KIAA1328: variants seen among roughly 807,000 people sequenced by gnomAD.
The protein encoded by KIAA1328 is protein hinderin.
KIAA1328 carries 52 observed loss-of-function variants against 68.1 expected under a neutral mutation model. The ratio of observed to expected loss-of-function variants is 0.76; its 90% confidence interval spans 0.61 to 0.96. KIAA1328 has a LOEUF of 0.96. Ranked by LOEUF, KIAA1328 falls within the 40% of genes least tolerant of loss-of-function variation. The pLI is 0.00. For missense variants in KIAA1328, 641 were observed against 677.6 expected, an observed-to-expected ratio of 0.95 and a Z score of 0.60; for synonymous variants, 232 against 239.4, an observed-to-expected ratio of 0.97 and a Z score of 0.28.
At chr18:36,930,302 A>G (rs1365247613) in intron 5 of KIAA1328, among the ~76,000 whole-genome samples, 2 of 152,082 alleles carry the variant, frequency 1.3e-5, no homozygotes, top group African/African-American at 4.8e-5. Context: ...TTAGAATGGC[A>G]TATCATCCTT....
chr18:37,187,546 T>G (rs988089991), intron 9 of KIAA1328, among the ~76,000 whole-genome samples: 18 of 152,354 alleles, frequency 1.2e-4, no homozygotes, highest in African/African-American at 4.1e-4. Flanking sequence ...TAACCCATCC[T>G]TTCTACATTT....
intron 5 of KIAA1328, among the ~76,000 whole-genome samples, chr18:36,889,101 T>G (rs1231901804): frequency 6.6e-6 from 1 of 152,188 alleles, no homozygotes; most frequent in Non-Finnish European, 1.5e-5. Context: ...GGTTTCTTCT[T>G]GTAGAAAATT....
chr18:37,225,340 G>A (rs73948843), downstream of KIAA1328: 564 of 983,648 alleles, frequency 5.7e-4, 3 homozygotes, highest in African/African-American at 8.6e-3. Context: ...CCCCATGTGG[G>A]TTTGATATTG....
intron 7 of KIAA1328, among the ~76,000 whole-genome samples, chr18:37,141,995 G>A (rs976952845): frequency 6.6e-6 from 1 of 152,148 alleles, no homozygotes; most frequent in Admixed American, 6.6e-5. Context: ...CCCAGTATGT[G>A]ACTTAACTTG....
intron 5 of KIAA1328, among the ~76,000 whole-genome samples, chr18:36,943,812 C>A (rs1331191690): frequency 1.3e-5 from 2 of 152,024 alleles, no homozygotes; most frequent in East Asian, 1.9e-4. Flanking sequence ...TTGTATTATA[C>A]CATATGCCAT....
intron 7 of KIAA1328, among the ~76,000 whole-genome samples, chr18:37,114,986 G>T (rs576655551): frequency 2.9e-4 from 44 of 152,202 alleles, no homozygotes; most frequent in African/African-American, 1.0e-3. Flanking sequence ...TCCCTGAATA[G>T]ACCAGTAACA....
At chr18:37,098,759 A>G (rs543975165) in intron 7 of KIAA1328, among the ~76,000 whole-genome samples, 1 of 152,112 alleles carries the variant, frequency 6.6e-6, no homozygotes, top group East Asian at 1.9e-4. Flanking sequence ...AGAGCCTGTT[A>G]TTTATCTATT....
At chr18:36,846,361 A>C (rs541573546) in intron 4 of KIAA1328, among the ~76,000 whole-genome samples, 1 of 151,430 alleles carries the variant, frequency 6.6e-6, no homozygotes, top group Non-Finnish European at 1.5e-5. Flanking sequence ...ACAAGACATA[A>C]CCTTTTTTCT....
chr18:37,084,482 T>TG (rs1351455480), intron 7 of KIAA1328: 95 of 242,942 alleles, frequency 3.9e-4, no homozygotes, highest in Admixed American at 7.7e-4. Context: ...TTTTGTTTTT[T>TG]TTTTTTTTTT....
At chr18:37,133,105 C>T (rs1412802795) in intron 7 of KIAA1328, among the ~76,000 whole-genome samples, 3 of 151,958 alleles carry the variant, frequency 2.0e-5, no homozygotes, top group Non-Finnish European at 2.9e-5. Context: ...GAGGCTGAGG[C>T]GGGTGGATCA....
intron 6 of KIAA1328, among the ~76,000 whole-genome samples, chr18:36,973,014 G>A (rs1162725555): frequency 6.6e-6 from 1 of 152,168 alleles, no homozygotes; most frequent in Non-Finnish European, 1.5e-5. Context: ...CTAATCTGTA[G>A]AATGGATTAT....
chr18:36,986,109 A>G (rs2052912750), intron 6 of KIAA1328, among the ~76,000 whole-genome samples: 1 of 152,046 alleles, frequency 6.6e-6, no homozygotes, highest in Non-Finnish European at 1.5e-5. Context: ...TATGCTAGGT[A>G]TTTACTCAAG....
intron 7 of KIAA1328, among the ~76,000 whole-genome samples, chr18:37,155,374 G>A (rs910387605): frequency 6.6e-6 from 1 of 152,116 alleles, no homozygotes. Context: ...TCAAGCTGCA[G>A]TTAATTTTTC....
chr18:37,209,476 G>A (rs1312280867), intron 9 of KIAA1328, among the ~76,000 whole-genome samples: 1 of 152,184 alleles, frequency 6.6e-6, no homozygotes, highest in Non-Finnish European at 1.5e-5. Context: ...GTATGTGTGT[G>A]TGTGTGTGTA....
chr18:37,005,776 A>G (rs1399566512), intron 6 of KIAA1328, among the ~76,000 whole-genome samples: 3 of 152,206 alleles, frequency 2.0e-5, no homozygotes, highest in African/African-American at 7.2e-5. Flanking sequence ...AGCCATAAAA[A>G]GAATGAAATC....
chr18:36,993,456 TA>T (rs921933594), intron 6 of KIAA1328, among the ~76,000 whole-genome samples: 7 of 152,138 alleles, frequency 4.6e-5, no homozygotes, highest in African/African-American at 9.7e-5. Flanking sequence ...TGGTGGGAAA[TA>T]AATGGTATAG....
At chr18:37,192,306 TAAA>T (rs903251318) in intron 9 of KIAA1328, among the ~76,000 whole-genome samples, 7 of 152,104 alleles carry the variant, frequency 4.6e-5, no homozygotes, top group African/African-American at 1.7e-4. Context: ...TTTGAAAGTG[TAAA>T]AAATTGTAAA....
chr18:36,873,961 G>A (rs1446954486), intron 4 of KIAA1328, among the ~76,000 whole-genome samples: 1 of 152,166 alleles, frequency 6.6e-6, no homozygotes, highest in Non-Finnish European at 1.5e-5. Context: ...TCCTGTGTTA[G>A]TTTGCTGAGA....
chr18:36,900,238 G>C (rs1401913005), intron 5 of KIAA1328, among the ~76,000 whole-genome samples: 4 of 151,858 alleles, frequency 2.6e-5, no homozygotes, highest in Non-Finnish European at 5.9e-5. Context: ...TTTACATAAA[G>C]GTTAGCCCTT....
Sources: gnomAD v4.1 joint callset for allele counts (sites outside exome capture counted in the v4.1 genomes callset) on GRCh38, gnomAD v4.1.1 for gene constraint, MANE v1.5 for transcripts, NCBI Gene and HGNC (gene_info 2026-07-23, HGNC 2026-07-21) for gene names.